Variants in DAB2 observed in about 807,000 individuals in gnomAD.
DAB2 encodes the protein disabled homolog 2.
A neutral mutation model predicts 71.6 loss-of-function variants in DAB2; 28 were observed. The observed-to-expected ratio is 0.39, with a 90% CI of 0.29 to 0.54. The LOEUF is 0.54. DAB2 is among the 20% of genes least tolerant of loss of function. DAB2 has a pLI of 0.68. For synonymous variants in DAB2, 345 were observed against 339.7 expected, an observed-to-expected ratio of 1.02 and a Z score of -0.17; for missense variants, 867 against 928.8, an observed-to-expected ratio of 0.93 and a Z score of 0.86.
intron 1 of DAB2, among the ~76,000 whole-genome samples, chr5:39,398,862 A>C (rs191051957): frequency 1.2e-3 from 186 of 152,362 alleles, no homozygotes; most frequent in African/African-American, 4.3e-3. Flanking sequence ...GCTCACTTAC[A>C]GACTTAGATC....
intron 1 of DAB2, among the ~76,000 whole-genome samples, chr5:39,420,567 C>G (rs1294190050): frequency 6.6e-6 from 1 of 152,152 alleles, no homozygotes; most frequent in African/African-American, 2.4e-5. Flanking sequence ...TCACTTGCCC[C>G]TAGCTAGCTA....
At chr5:39,416,796 C>T (rs866864123) in intron 1 of DAB2, among the ~76,000 whole-genome samples, 3 of 151,986 alleles carry the variant, frequency 2.0e-5, no homozygotes, top group South Asian at 2.1e-4. Context: ...TTTTGGGATC[C>T]GAAAATTATT....
chr5:39,378,167 C>T (rs907072072), intron 11 of DAB2, among the ~76,000 whole-genome samples: 7 of 152,160 alleles, frequency 4.6e-5, no homozygotes, highest in African/African-American at 7.2e-5. Context: ...TACGACCTTG[C>T]TATGTCATCA....
At chr5:39,408,391 G>C in intron 1 of DAB2, 1 of 152,102 alleles carries the variant, frequency 6.6e-6, no homozygotes, top group East Asian at 1.9e-4. Flanking sequence ...CCATAGAGTT[G>C]GCATTAACCT....
intron 1 of DAB2, among the ~76,000 whole-genome samples, chr5:39,407,700 C>T (rs373800382): frequency 4.9e-4 from 75 of 152,286 alleles, no homozygotes; most frequent in East Asian, 5.8e-4. Flanking sequence ...TCACCTATGA[C>T]GCATATGCAT....
In DAB2 at chr5:39,373,227, C is replaced by T. The variant is rs968677869; in HGVS notation, c.*204G>A. 1 of 152,184 alleles carries T rather than the reference C, an allele frequency of 6.6e-6. No homozygotes were observed. The highest frequency in any genetic ancestry group is 6.6e-5 in the Admixed American group (1 of 15,200). 9.4% of individuals were successfully genotyped at this position (152,184 alleles called of 1,614,324 possible). ...TTTAGGATCTTAATTTATTTAAAGC[C>T]ATAGATTCAGTTTAGCTTTAACCTA... On this transcript the variant is annotated 3_prime_UTR_variant, in exon 15 of 15. Coordinates refer to ENST00000320816, the MANE Select transcript of DAB2 (RefSeq NM_001343.4).
chr5:39,379,389 A>C (rs1754903995), intron 11 of DAB2, among the ~76,000 whole-genome samples: 1 of 136,984 alleles, frequency 7.3e-6, no homozygotes, highest in Admixed American at 8.4e-5. Flanking sequence ...GGTTGCAGTG[A>C]GCTGAGACAG....
At chr5:39,402,855 T>C (rs546192526) in intron 1 of DAB2, among the ~76,000 whole-genome samples, 1 of 152,176 alleles carries the variant, frequency 6.6e-6, no homozygotes, top group Admixed American at 6.5e-5. Context: ...CAAAATCTAC[T>C]CTAAGTTACC....
chr5:39,395,459 G>A (rs140023937), intron 1 of DAB2, among the ~76,000 whole-genome samples: 4,021 of 152,162 alleles, frequency 0.026, 84 homozygotes, highest in South Asian at 0.086. Flanking sequence ...CCACCACATG[G>A]GAATAACTGT....
chr5:39,394,505 T>C (rs966034605), intron 1 of DAB2, 84 bp from the exon 2 acceptor site: 4 of 585,372 alleles, frequency 6.8e-6, no homozygotes, highest in African/African-American at 3.7e-5. Context: ...AACTAGTGAC[T>C]TTCTTTTGTA....
intron 1 of DAB2, among the ~76,000 whole-genome samples, chr5:39,421,124 G>A (rs1755974943): frequency 6.6e-6 from 1 of 152,170 alleles, no homozygotes; most frequent in African/African-American, 2.4e-5. Context: ...CAGGCTTCCA[G>A]GACGAAAACA....
Position 39,390,019 on chromosome 5 carries a change from A to ATT in DAB2, c.463-89_463-88dup, listed in dbSNP as rs34356831. ...GCTATCAATTATAATTCATACTGGG[A>ATT]TTTTTTTTTTAATCTTAAAACGCCT... On this transcript the variant is annotated intron_variant, in intron 5 of 14. Transcript: ENST00000320816. The ATT allele has an allele frequency of 2.0e-3, 1,780 of 879,932 alleles. 1 individual carries two copies. Among genetic ancestry groups the ATT allele is most frequent in the Non-Finnish European group, 2.3e-3 (1,412 of 601,022 alleles). The allele number at this position is 879,932 out of a possible 1,614,324, so 54.5% of individuals were successfully genotyped here. A position where few individuals can be genotyped will look rare whatever the true frequency, so the allele number is the denominator to read the frequency against.
intron 1 of DAB2, among the ~76,000 whole-genome samples, chr5:39,405,770 G>A (rs983387293): frequency 7.9e-5 from 12 of 152,122 alleles, no homozygotes; most frequent in Non-Finnish European, 1.5e-5. Flanking sequence ...CTTGTCCCTG[G>A]GAAGTGATGT....
chr5:39,383,888 G>C (rs1301380322), intron 9 of DAB2, among the ~76,000 whole-genome samples: 1 of 152,144 alleles, frequency 6.6e-6, no homozygotes, highest in Non-Finnish European at 1.5e-5. Context: ...GTGGGAGAGA[G>C]GCTTTTCTTT....
chr5:39,391,843 G>A (rs1222819883), intron 4 of DAB2, among the ~76,000 whole-genome samples: 1 of 151,812 alleles, frequency 6.6e-6, no homozygotes, highest in African/African-American at 2.4e-5. Flanking sequence ...AAATGAAAAA[G>A]AGGTAGATGT....
Position 39,394,229 on chromosome 5 carries a change from C to A in DAB2, c.91+1G>T. The A allele has an allele frequency of 6.2e-7, 1 of 1,613,504 alleles. No individual in the cohort carries two copies. On this transcript the variant is annotated splice_donor_variant, in intron 2 of 14. Transcript: ENST00000320816. LOFTEE classifies it high-confidence loss of function. ...TTGGCTTCAAGTGGATTTCTCCATACCTTTCTTTTTTTCCTTCTTTGAGGG... is the reference window on the plus strand; with the variant it reads ...TTGGCTTCAAGTGGATTTCTCCATAACTTTCTTTTTTTCCTTCTTTGAGGG...
intron 1 of DAB2, among the ~76,000 whole-genome samples, chr5:39,401,318 C>T (rs116220063): frequency 0.014 from 2,176 of 152,276 alleles, 46 homozygotes; most frequent in African/African-American, 0.049. Context: ...GCATTTACAG[C>T]GAGGAGGTAT....
At chr5:39,409,425 T>A (rs898584263) in intron 1 of DAB2, among the ~76,000 whole-genome samples, 2 of 152,164 alleles carry the variant, frequency 1.3e-5, no homozygotes, top group Admixed American at 6.6e-5. Context: ...TATTGAAATA[T>A]CTGTATACAG....
intron 9 of DAB2, among the ~76,000 whole-genome samples, chr5:39,387,457 AT>A (rs1222508619): frequency 6.6e-6 from 1 of 152,174 alleles, no homozygotes; most frequent in Non-Finnish European, 1.5e-5. Flanking sequence ...TAACGATGTG[AT>A]TAGTTTTAAT....
Sources: allele counts gnomAD v4.1 joint callset (sites outside exome capture counted in the v4.1 genomes callset), GRCh38; gene constraint gnomAD v4.1.1; transcripts MANE v1.5; gene names NCBI Gene and HGNC (gene_info 2026-07-23, HGNC 2026-07-21).